Variants in ST8SIA2 observed in about 807,000 individuals in gnomAD.
ST8SIA2 encodes the protein ST8 alpha-N-acetyl-neuraminide alpha-2,8-sialyltransferase 2.
ST8SIA2 carries 22 observed loss-of-function variants against 37.6 expected under a neutral mutation model. The ratio of observed to expected loss-of-function variants is 0.58; its 90% CI spans 0.42 to 0.83. The LOEUF (loss-of-function observed/expected upper bound fraction) is 0.83. Ranked by LOEUF, ST8SIA2 falls within the 40% of genes least tolerant of loss-of-function variation. ST8SIA2 has a pLI of 0.00. For synonymous variants in ST8SIA2, 205 were observed against 201.2 expected (o/e 1.02, Z -0.16); for missense variants, 382 against 484.7 (o/e 0.79, Z 1.99).
intron 5 of ST8SIA2, among the ~76,000 whole-genome samples, chr15:92,454,334 A>G (rs1312122009): frequency 6.6e-6 from 1 of 152,034 alleles, no homozygotes; most frequent in Non-Finnish European, 1.5e-5. Flanking sequence ...TTGCAAGGAC[A>G]TCAGTCATAT....
At chr15:92,394,601 G>C (rs1185263472) in intron 1 of ST8SIA2, among the ~76,000 whole-genome samples, 1 of 152,188 alleles carries the variant, frequency 6.6e-6, no homozygotes, top group East Asian at 1.9e-4. Flanking sequence ...GGCGCGCAGG[G>C]ATCTCTGAGC....
chr15:92,406,783 C>T (rs2049510578), intron 1 of ST8SIA2, among the ~76,000 whole-genome samples: 1 of 152,008 alleles, frequency 6.6e-6, no homozygotes, highest in Non-Finnish European at 1.5e-5. Context: ...ATCACTTGAG[C>T]CCAGGAGTTC....
At chr15:92,420,385 G>T (rs1042856184) in intron 1 of ST8SIA2, among the ~76,000 whole-genome samples, 29 of 152,306 alleles carry the variant, frequency 1.9e-4, no homozygotes, top group African/African-American at 7.0e-4. Flanking sequence ...GAAATGCTTG[G>T]CATCCAGGTG....
rs568487679 is a variant in ST8SIA2, at chr15:92,468,442, C to G, written c.*4057C>G. The G allele has an allele frequency of 1.3e-5, 2 of 152,894 alleles. No homozygotes were observed. Among genetic ancestry groups the G allele is most frequent in the South Asian group, 4.1e-4 (2 of 4,830 alleles). The allele number at this position is 152,894 out of a possible 1,614,324, so 9.5% of individuals were successfully genotyped here. On this transcript the variant is annotated 3_prime_UTR_variant, in exon 6 of 6. Coordinates refer to ENST00000268164, the MANE Select transcript of ST8SIA2 (RefSeq NM_006011.4). ...TGCTCCCTTTTCTTCCCTTCAAAGC[C>G]CATGCGGAAACCACGTCCTTCATGA...
At chr15:92,448,939 G>GT (rs2049862194) in intron 5 of ST8SIA2, among the ~76,000 whole-genome samples, 2 of 134,248 alleles carry the variant, frequency 1.5e-5, no homozygotes, top group African/African-American at 6.3e-5. Context: ...TAGGGTATGT[G>GT]GGGGGGGGTG....
At chr15:92,414,137 A>T (rs1467335427) in intron 1 of ST8SIA2, among the ~76,000 whole-genome samples, 1 of 152,194 alleles carries the variant, frequency 6.6e-6, no homozygotes, top group Non-Finnish European at 1.5e-5. Context: ...GAACGTCCTG[A>T]TGGAATCTGC....
At chr15:92,443,937 C>T (rs1440972615) in intron 4 of ST8SIA2, among the ~76,000 whole-genome samples, 2 of 152,162 alleles carry the variant, frequency 1.3e-5, no homozygotes, top group Non-Finnish European at 2.9e-5. Context: ...ATTCTTCTGA[C>T]TTGGCAAACT....
intron 5 of ST8SIA2, among the ~76,000 whole-genome samples, chr15:92,451,949 T>G (rs2049885202): frequency 6.6e-6 from 1 of 152,182 alleles, no homozygotes; most frequent in Non-Finnish European, 1.5e-5. Flanking sequence ...AAGGCCAGGA[T>G]GGGTTTGAGT....
chr15:92,406,207 C>G (rs1393563216), intron 1 of ST8SIA2, among the ~76,000 whole-genome samples: 1 of 152,196 alleles, frequency 6.6e-6, no homozygotes, highest in Non-Finnish European at 1.5e-5. Context: ...AGCCAGTTCT[C>G]AGACTTGAGA....
intron 1 of ST8SIA2, among the ~76,000 whole-genome samples, chr15:92,400,169 G>A (rs943388331): frequency 6.6e-6 from 1 of 152,020 alleles, no homozygotes; most frequent in Non-Finnish European, 1.5e-5. Context: ...CTTCTTCCAG[G>A]CTAAGATCTG....
At chr15:92,453,139 C>G (rs1336079898) in intron 5 of ST8SIA2, among the ~76,000 whole-genome samples, 1 of 152,084 alleles carries the variant, frequency 6.6e-6, no homozygotes, top group African/African-American at 2.4e-5. Context: ...TTCAAATCCA[C>G]GTATATAGGC....
At chr15:92,412,433 A>C (rs1376752383) in intron 1 of ST8SIA2, among the ~76,000 whole-genome samples, 1 of 151,474 alleles carries the variant, frequency 6.6e-6, no homozygotes, top group Non-Finnish European at 1.5e-5. Context: ...AGGAGGGAAG[A>C]TTGGGATCCT....
chr15:92,418,780 G>T (rs1567213849), intron 1 of ST8SIA2, among the ~76,000 whole-genome samples: 2 of 152,196 alleles, frequency 1.3e-5, no homozygotes, highest in South Asian at 4.1e-4. Flanking sequence ...TGTAAATACA[G>T]AGAAAAATCA....
At chr15:92,438,320 G>A in intron 3 of ST8SIA2, 33 bp from the exon 4 acceptor site, 1 of 1,614,164 alleles carries the variant, frequency 6.2e-7, no homozygotes, top group Non-Finnish European at 8.5e-7. Flanking sequence ...TGGCACCCTG[G>A]AGAATTTCCT....
chr15:92,400,032 G>A (rs1462210505), intron 1 of ST8SIA2, among the ~76,000 whole-genome samples: 1 of 152,152 alleles, frequency 6.6e-6, no homozygotes, highest in Non-Finnish European at 1.5e-5. Context: ...AAATGTCCTA[G>A]GATTTCATAC....
At chr15:92,442,494 T>G (rs1319780002) in intron 4 of ST8SIA2, among the ~76,000 whole-genome samples, 1 of 152,154 alleles carries the variant, frequency 6.6e-6, no homozygotes, top group Non-Finnish European at 1.5e-5. Flanking sequence ...CAGCCCCTCC[T>G]GCCCCATGGT....
chr15:92,396,619 G>A (rs923078951), intron 1 of ST8SIA2, among the ~76,000 whole-genome samples: 5 of 151,832 alleles, frequency 3.3e-5, no homozygotes, highest in African/African-American at 4.8e-5. Flanking sequence ...TCAGCCTCCC[G>A]AGTAGCTGGG....
At chr15:92,398,029 A>G (rs1218007869) in intron 1 of ST8SIA2, among the ~76,000 whole-genome samples, 1 of 152,180 alleles carries the variant, frequency 6.6e-6, no homozygotes, top group Admixed American at 6.5e-5. Context: ...GCTACTCGGG[A>G]GGCTGAGGCA....
chr15:92,394,714 G>T (rs975159783), intron 1 of ST8SIA2, among the ~76,000 whole-genome samples: 10 of 152,132 alleles, frequency 6.6e-5, no homozygotes, highest in African/African-American at 1.9e-4. Context: ...CGCGCCTCCC[G>T]CCGGCCCGGG....
Sources: gnomAD v4.1 joint callset for allele counts (sites outside exome capture counted in the v4.1 genomes callset) on GRCh38, gnomAD v4.1.1 for gene constraint, MANE v1.5 for transcripts, NCBI Gene and HGNC (gene_info 2026-07-23, HGNC 2026-07-21) for gene names.